The following NTRK2 variants were observed in gnomAD, a reference collection of about 807,000 sequenced individuals.
NTRK2 encodes neurotrophic receptor tyrosine kinase 2.
A neutral mutation model predicts 94.5 loss-of-function variants in NTRK2; 13 were observed. The ratio of observed to expected loss-of-function variants is 0.14; its 90% CI spans 0.09 to 0.22. The LOEUF is 0.22. Among genes scored for constraint, NTRK2 ranks in the 10% least tolerant of loss-of-function variants. NTRK2 has a pLI of 1.00. For synonymous variants in NTRK2, 372 were observed against 407.4 expected, an observed-to-expected ratio of 0.91 and a Z score of 1.05; for missense variants, 639 against 1,071.2, an observed-to-expected ratio of 0.60 and a Z score of 5.63.
rs1432340624 is a variant in NTRK2, at chr9:85,026,566, C to G, written c.*5129C>G. On this transcript the variant is annotated 3_prime_UTR_variant, in exon 19 of 19. Transcript: ENST00000277120. ...TAAATGTGGATTTTAAATATGTAAT[C>G]CCTTGACAAATGACCAAATTATGGT... is the stretch of plus-strand genomic sequence containing the variant. 1 of 232,608 alleles carries G rather than the reference C, an allele frequency of 4.3e-6. No homozygotes were observed. The highest frequency in any genetic ancestry group is 8.5e-6 in the Non-Finnish European group (1 of 117,802). The allele number at this position is 232,608 out of a possible 1,614,324, so 14.4% of individuals were successfully genotyped here.
At position 85,026,689 on chromosome 9, in the gene NTRK2, G is replaced by A. The variant is rs558640768; in HGVS notation, c.*5252G>A. 1.2e-4 allele frequency: 27 copies of A among 233,004 alleles called. No homozygotes were observed. Among genetic ancestry groups the A allele is most frequent in the African/African-American group, 5.5e-4 (25 of 45,436 alleles). 14.4% of individuals were successfully genotyped at this position (233,004 alleles called of 1,614,324 possible). On this transcript the variant is annotated 3_prime_UTR_variant, in exon 19 of 19. Coordinates refer to ENST00000277120, the MANE Select transcript of NTRK2 (RefSeq NM_006180.6). ...CATTTGCTTCTGTATCTGGAGAGAT[G>A]TTTGTATATATCCAGGCCGTATACA...
chr9:84,957,781 A>G (rs1342038323), intron 17 of NTRK2, among the ~76,000 whole-genome samples: 4 of 152,244 alleles, frequency 2.6e-5, no homozygotes, highest in Non-Finnish European at 5.9e-5. Context: ...TCCCACAAAA[A>G]CTTGAACACA....
chr9:85,007,449 A>C (rs569115536), intron 17 of NTRK2, among the ~76,000 whole-genome samples: 1 of 152,338 alleles, frequency 6.6e-6, no homozygotes, highest in East Asian at 1.9e-4. Flanking sequence ...TCCTAAGGGC[A>C]ATGGGAAGTC....
intron 12 of NTRK2, among the ~76,000 whole-genome samples, chr9:84,818,950 G>A (rs763915682): frequency 1.3e-4 from 20 of 152,124 alleles, no homozygotes; most frequent in Non-Finnish European, 2.4e-4. Context: ...GCCTGTCCTC[G>A]AATGTCCCGT....
chr9:84,875,205 T>C, intron 14 of NTRK2: 1 of 1,058,176 alleles, frequency 9.5e-7, no homozygotes, highest in Non-Finnish European at 1.1e-6. Flanking sequence ...ATTTCTATAG[T>C]AATGGCTCAC....
At chr9:85,021,216 T>C (rs200525354) in intron 18 of NTRK2, 36 bp from the exon 19 acceptor site, 5 of 1,597,340 alleles carry the variant, frequency 3.1e-6, no homozygotes, top group Admixed American at 1.7e-5. Flanking sequence ...GCATTGCTTT[T>C]CCTCCTGTCT....
intron 12 of NTRK2, among the ~76,000 whole-genome samples, chr9:84,787,294 G>T (rs146092288): frequency 2.1e-4 from 32 of 151,902 alleles, no homozygotes; most frequent in African/African-American, 7.5e-4. Context: ...GGAAAACTCC[G>T]TCTAAAACAA....
chr9:84,729,208 C>T (rs1303740108), intron 9 of NTRK2, among the ~76,000 whole-genome samples: 1 of 152,184 alleles, frequency 6.6e-6, no homozygotes, highest in Non-Finnish European at 1.5e-5. Flanking sequence ...TTATTTTGCT[C>T]TTCACTAGAC....
intron 17 of NTRK2, among the ~76,000 whole-genome samples, chr9:84,974,567 A>G (rs138691961): frequency 1.3e-5 from 2 of 152,324 alleles, no homozygotes; most frequent in African/African-American, 4.8e-5. Context: ...CTCAGATTGA[A>G]TTCCTCTCCA....
chr9:84,952,129 G>C (rs550041083), intron 16 of NTRK2, among the ~76,000 whole-genome samples: 99 of 152,310 alleles, frequency 6.5e-4, no homozygotes, highest in African/African-American at 2.1e-3. Context: ...ATGTTTCAGG[G>C]TATAAACCAT....
chr9:84,998,426 C>G (rs1412073929), intron 17 of NTRK2, among the ~76,000 whole-genome samples: 1 of 152,228 alleles, frequency 6.6e-6, no homozygotes. Context: ...CAACCCTACA[C>G]CCACCTGTCT....
Position 84,702,180 on chromosome 9 carries a change from G to A in NTRK2, c.234G>A (p.Arg78=), listed in dbSNP as rs1481627204. Reference sequence around the variant, plus strand: ...ACAGTTTCATCGCAAACCAGAAAAGGTTAGAAATCATCAACGAAGATGATG... The same window carrying A: ...ACAGTTTCATCGCAAACCAGAAAAGATTAGAAATCATCAACGAAGATGATG... ...ITEIFIANQK[R]LEIINEDDVE... The change falls in exon 3 of 19, where the codon AGG becomes AGA. Residue 78 remains arginine (R), a synonymous_variant. Transcript: ENST00000277120. 1 of 1,614,070 alleles carries A rather than the reference G, an allele frequency of 6.2e-7. No individual in the cohort carries two copies.
chr9:84,824,079 A>C (rs879378756), intron 12 of NTRK2, among the ~76,000 whole-genome samples: 1 of 152,148 alleles, frequency 6.6e-6, no homozygotes, highest in Non-Finnish European at 1.5e-5. Context: ...TCAGTGGTTT[A>C]AGTTGCCCTT....
chr9:84,707,758 T>C, intron 4 of NTRK2, 86 bp from the exon 5 acceptor site: 2 of 1,036,436 alleles, frequency 1.9e-6, no homozygotes, highest in Non-Finnish European at 3.0e-6. Context: ...TAAAATTATA[T>C]TTTGAAAAAC....
chr9:84,734,580 A>G (rs1455830508), intron 9 of NTRK2, among the ~76,000 whole-genome samples: 1 of 152,180 alleles, frequency 6.6e-6, no homozygotes, highest in Non-Finnish European at 1.5e-5. Flanking sequence ...GGAGGGACCT[A>G]ATGGGAGGTA....
chr9:84,856,132 T>G (rs2075050674), intron 12 of NTRK2, among the ~76,000 whole-genome samples: 1 of 152,194 alleles, frequency 6.6e-6, no homozygotes, highest in African/African-American at 2.4e-5. Context: ...CAGTGTTACA[T>G]TTTTAGAGAC....
chr9:84,739,513 C>T lies in NTRK2; in HGVS notation c.1160-2379C>T, dbSNP rs182745486. On this transcript the variant is annotated intron_variant, in intron 9 of 18. Transcript: ENST00000277120. ...GTGTTTGGATGTTCCTGTTCTGCAA[C>T]GTGGCAGATTAAACCTGTATGTCAT... Among the ~76,000 whole-genome samples, 18 of 152,310 alleles carry T rather than the reference C, an allele frequency of 1.2e-4. 1 individual carries two copies. Among genetic ancestry groups the T allele is most frequent in the Admixed American group, 8.5e-4 (13 of 15,300 alleles).
Position 85,026,386 on chromosome 9 carries a change from G to T in NTRK2, c.*4949G>T, listed in dbSNP as rs1833035611. The T allele has an allele frequency of 8.6e-6, 2 of 231,736 alleles. No individual in the cohort carries two copies. Among genetic ancestry groups the T allele is most frequent in the Admixed American group, 1.1e-4 (2 of 17,720 alleles). 14.4% of individuals were successfully genotyped at this position (231,736 alleles called of 1,614,324 possible). A position where few individuals can be genotyped will look rare whatever the true frequency, so the allele number is the denominator to read the frequency against. On this transcript the variant is annotated 3_prime_UTR_variant, in exon 19 of 19. Transcript: ENST00000277120. ...CTGAACGTTCAATGTACTGGAGCAA[G>T]CATCATAAAAGCTGCTAGTAGCCAT... is the stretch of plus-strand genomic sequence containing the variant.
At position 84,836,057 on chromosome 9, in the gene NTRK2, A is replaced by G. The variant is rs139376886; in HGVS notation, c.1397-24983A>G. Among the ~76,000 whole-genome samples the G allele has an allele frequency of 6.4e-3, 972 of 152,322 alleles. 13 individuals carry two copies. Among genetic ancestry groups the G allele is most frequent in the Non-Finnish European group, 0.01 (691 of 68,020 alleles). ...GTCTTAGAACAGAAATCTCAGGGAA[A>G]CAGAGCTTCTTACCATTCTAGCAAA... is the stretch of plus-strand genomic sequence containing the variant. On this transcript the variant is annotated intron_variant, in intron 12 of 18. Transcript: ENST00000277120.
Sources: allele counts gnomAD v4.1 joint callset (sites outside exome capture counted in the v4.1 genomes callset), GRCh38; gene constraint gnomAD v4.1.1; transcripts MANE v1.5; gene names NCBI Gene and HGNC (gene_info 2026-07-23, HGNC 2026-07-21).